Variants in ASIP observed in about 807,000 individuals in gnomAD.
ASIP encodes the protein agouti signaling protein.
ASIP carries 11 observed loss-of-function variants against 10.3 expected under a neutral mutation model. That is an observed-to-expected ratio of 1.07 (90% confidence interval 0.68 to 1.78). The LOEUF (loss-of-function observed/expected upper bound fraction) is 1.78. ASIP is among the 40% of genes most tolerant of loss of function. ASIP has a pLI of 0.00. For synonymous variants in ASIP, 70 were observed against 70.8 expected (o/e 0.99, Z 0.06); for missense variants, 180 against 169.2 (o/e 1.06, Z -0.35).
At chr20:34,262,475 T>C (rs77342024) in intron 2 of ASIP, among the ~76,000 whole-genome samples, 7 of 152,314 alleles carry the variant, frequency 4.6e-5, no homozygotes, top group Non-Finnish European at 1.0e-4. Flanking sequence ...ACAATGTTCC[T>C]GTGCCTGCCA....
chr20:34,189,942 T>C (rs576611979), upstream of ASIP, among the ~76,000 whole-genome samples: 27 of 152,312 alleles, frequency 1.8e-4, no homozygotes, highest in East Asian at 5.0e-3. Context: ...GACTGCTGCC[T>C]GTAGGACATG....
intron 1 of ASIP, among the ~76,000 whole-genome samples, chr20:34,232,810 T>C (rs2035130800): frequency 6.6e-6 from 1 of 152,228 alleles, no homozygotes; most frequent in Non-Finnish European, 1.5e-5. Flanking sequence ...TGAGTTTCTC[T>C]GTTTTAATAG....
intron 3 of ASIP, among the ~76,000 whole-genome samples, chr20:34,267,153 A>G (rs572954173): frequency 2.5e-4 from 38 of 152,358 alleles, no homozygotes; most frequent in Admixed American, 5.2e-4. Context: ...TAAGAAAGAT[A>G]TATCTTATCC....
At chr20:34,208,180 T>A (rs768480215) in intron 1 of ASIP, among the ~76,000 whole-genome samples, 5 of 152,204 alleles carry the variant, frequency 3.3e-5, no homozygotes, top group Non-Finnish European at 5.9e-5. Flanking sequence ...GCTAGTGCCA[T>A]GCTGTTTGGG....
At chr20:34,256,462 G>A (rs564922766) in intron 1 of ASIP, among the ~76,000 whole-genome samples, 5 of 152,214 alleles carry the variant, frequency 3.3e-5, no homozygotes, top group East Asian at 1.9e-4. Context: ...GATAACACCC[G>A]GCTAATTTTT....
chr20:34,220,648 C>T (rs1157807248), intron 1 of ASIP, among the ~76,000 whole-genome samples: 1 of 151,488 alleles, frequency 6.6e-6, no homozygotes, highest in Non-Finnish European at 1.5e-5. Context: ...GGAGAGCAAG[C>T]ATTTAACTCA....
chr20:34,243,497 T>A (rs2035316054), intron 1 of ASIP, among the ~76,000 whole-genome samples: 1 of 152,134 alleles, frequency 6.6e-6, no homozygotes, highest in African/African-American at 2.4e-5. Context: ...ATTTTAATCC[T>A]GCATTTTCCT....
intron 1 of ASIP, among the ~76,000 whole-genome samples, chr20:34,242,748 A>T (rs557508840): frequency 2.0e-5 from 3 of 152,338 alleles, no homozygotes; most frequent in African/African-American, 7.2e-5. Context: ...TCTGCAGAAA[A>T]TTTCATCTCA....
At chr20:34,189,645 C>T (rs144228521), upstream of ASIP, among the ~76,000 whole-genome samples, 26 of 152,330 alleles carry the variant, frequency 1.7e-4, no homozygotes, top group East Asian at 5.0e-3. Context: ...CACATTATAA[C>T]ACAGGGAAAC....
upstream of ASIP, among the ~76,000 whole-genome samples, chr20:34,239,576 G>A (rs139429476): frequency 1.3e-4 from 20 of 152,274 alleles, no homozygotes; most frequent in South Asian, 4.1e-4. Flanking sequence ...TTTTCAAGGC[G>A]TCTACATTAT....
intron 1 of ASIP, chr20:34,215,846 T>A: frequency 7.5e-7 from 1 of 1,332,342 alleles, no homozygotes; most frequent in East Asian, 2.3e-5. Context: ...TAGTCTAAAG[T>A]CTGAATCAGC....
At chr20:34,236,593 G>A (rs1184110849), upstream of ASIP, among the ~76,000 whole-genome samples, 2 of 151,966 alleles carry the variant, frequency 1.3e-5, no homozygotes, top group Non-Finnish European at 2.9e-5. Context: ...GCTCACGCCT[G>A]TAATCCTACC....
intron 3 of ASIP, among the ~76,000 whole-genome samples, chr20:34,263,420 C>A (rs1357220900): frequency 4.6e-5 from 7 of 151,926 alleles, no homozygotes; most frequent in Non-Finnish European, 7.4e-5. Flanking sequence ...CAAAAATTAG[C>A]CAGGCGTGGT....
At chr20:34,207,966 T>C (rs1237584916) in intron 1 of ASIP, among the ~76,000 whole-genome samples, 2 of 151,984 alleles carry the variant, frequency 1.3e-5, no homozygotes, top group Admixed American at 1.3e-4. Flanking sequence ...ATTTTTTGTA[T>C]TTTTAGTAGA....
chr20:34,258,700 A>ATATATATATATATATATACACACATAC (rs1555826880), intron 1 of ASIP, among the ~76,000 whole-genome samples: 1,010 of 77,882 alleles, frequency 0.013, 142 homozygotes, highest in Non-Finnish European at 0.017. Context: ...TACATACTAT[A>ATATATATATATATATATACACACATAC]TATATATATT....
chr20:34,255,832 CT>C (rs2035558218), intron 1 of ASIP, among the ~76,000 whole-genome samples: 1 of 152,188 alleles, frequency 6.6e-6, no homozygotes, highest in Non-Finnish European at 1.5e-5. Flanking sequence ...GGACCTTGGT[CT>C]AGTGGTAGCA....
At chr20:34,262,036 C>T (rs142384484) in intron 2 of ASIP, among the ~76,000 whole-genome samples, 3 of 151,962 alleles carry the variant, frequency 2.0e-5, no homozygotes, top group Non-Finnish European at 2.9e-5. Flanking sequence ...TCACTTGAAC[C>T]CAGGAGGCAG....
At chr20:34,216,018 C>A in intron 1 of ASIP, 2 of 676,984 alleles carry the variant, frequency 3.0e-6, no homozygotes, top group Non-Finnish European at 5.4e-6. Context: ...GGTCAGCCAG[C>A]GGAACGGAGC....
chr20:34,243,990 G>A (rs1433196343), intron 1 of ASIP, among the ~76,000 whole-genome samples: 5 of 152,110 alleles, frequency 3.3e-5, no homozygotes, highest in Non-Finnish European at 5.9e-5. Flanking sequence ...GCGTGAACCC[G>A]GGAAGCGGAG....
Sources: gnomAD v4.1 joint callset for allele counts (sites outside exome capture counted in the v4.1 genomes callset) on GRCh38, gnomAD v4.1.1 for gene constraint, MANE v1.5 for transcripts, NCBI Gene and HGNC (gene_info 2026-07-23, HGNC 2026-07-21) for gene names.